OPN3: variants seen among roughly 807,000 people sequenced by gnomAD.
OPN3 encodes the protein opsin 3.
OPN3 carries 29 observed loss-of-function variants against 33.8 expected under a neutral mutation model. That is an observed-to-expected ratio of 0.86 (90% CI 0.64 to 1.17). OPN3 has a LOEUF of 1.17. OPN3 is among the 50% of genes most tolerant of loss of function. The pLI is 0.00. For missense variants in OPN3, 437 were observed against 514.1 expected (o/e 0.85, Z 1.45); for synonymous variants, 216 against 216.1 (o/e 1.00, Z 0.00).
intron 1 of OPN3, chr1:241,634,476 C>T: frequency 1.2e-6 from 2 of 1,613,724 alleles, no homozygotes; most frequent in South Asian, 1.1e-5. Context: ...AAATATTTAG[C>T]ATTTATTCTT....
chr1:241,637,650 C>CA (rs1664949763), intron 1 of OPN3, among the ~76,000 whole-genome samples: 1 of 152,110 alleles, frequency 6.6e-6, no homozygotes, highest in Non-Finnish European at 1.5e-5. Context: ...TTCTAACCTA[C>CA]AGATATCAAA....
Position 241,625,826 on chromosome 1 carries a change from T to C in OPN3, c.373+14056A>G, listed in dbSNP as rs1343339970. 2.6e-5 allele frequency among the ~76,000 whole-genome samples: 4 copies of C among 152,296 alleles called. No individual in the cohort carries two copies. The East Asian group carries it at 7.7e-4, about 29-fold the overall frequency. ...AGTGCAGTTTTTCTCAACTTGGCGC[T>C]TATCGATATTTGGGGCTGGATAATT... is the stretch of plus-strand genomic sequence containing the variant. On this transcript the variant is annotated intron_variant, in intron 1 of 3. Coordinates refer to ENST00000366554, the MANE Select transcript of OPN3 (RefSeq NM_014322.3).
chr1:241,627,423 G>A (rs1039877373), intron 1 of OPN3, among the ~76,000 whole-genome samples: 2 of 152,152 alleles, frequency 1.3e-5, no homozygotes, highest in African/African-American at 4.8e-5. Context: ...TCAATACAAA[G>A]TAGGAGAGTC....
intron 1 of OPN3, among the ~76,000 whole-genome samples, chr1:241,619,114 T>TC (rs1664209941): frequency 6.6e-6 from 1 of 152,280 alleles, no homozygotes; most frequent in South Asian, 2.1e-4. Context: ...CAACACTCCT[T>TC]CATCCTTTGG....
chr1:241,621,847 C>T (rs1464703433), intron 1 of OPN3, among the ~76,000 whole-genome samples: 2 of 152,092 alleles, frequency 1.3e-5, no homozygotes, highest in South Asian at 2.1e-4. Context: ...AACTGATTTT[C>T]GCAGGGATGT....
Position 241,640,224 on chromosome 1 carries a change from C to T in OPN3, c.31G>A (p.Gly11Ser). 7.5e-7 allele frequency: 1 copy of T among 1,329,696 alleles called. No individual in the cohort carries two copies. Among genetic ancestry groups the T allele is most frequent in the Non-Finnish European group, 9.5e-7 (1 of 1,047,514 alleles). 82.4% of individuals were successfully genotyped at this position (1,329,696 alleles called of 1,614,324 possible). A position where few individuals can be genotyped will look rare whatever the true frequency, so the allele number is the denominator to read the frequency against. The change falls in exon 1 of 4, where the codon GGC becomes AGC. Residue 11 changes from glycine to serine, a missense_variant. By Grantham distance (56) the Gly-to-Ser change is moderately conservative. Coordinates refer to ENST00000366554, the MANE Select transcript of OPN3 (RefSeq NM_014322.3). Reference sequence around the variant, plus strand: ...GCGGCCCCGCCGCCGTCCCAGTAGCCGTGGCCGCCGCTGCGGTTCCCCGAG... The same window carrying T: ...GCGGCCCCGCCGCCGTCCCAGTAGCTGTGGCCGCCGCTGCGGTTCCCCGAG... MYSGNRSGGH[G>S]YWDGGGAAGA... is the part of the protein sequence containing the mutation.
At chr1:241,594,836 G>T in intron 3 of OPN3, 145 bp from the exon 4 acceptor site, 1 of 815,756 alleles carries the variant, frequency 1.2e-6, no homozygotes, top group Non-Finnish European at 1.9e-6. Context: ...GTCATGCTCA[G>T]ATCTACCTAA....
chr1:241,640,324 C>G lies in OPN3; in HGVS notation c.-70G>C. On this transcript the variant is annotated 5_prime_UTR_variant, in exon 1 of 4. Coordinates refer to ENST00000366554, the MANE Select transcript of OPN3 (RefSeq NM_014322.3). The stretch of plus-strand genomic sequence containing the variant: ...GGCGGGGCTCGCGGCGCGCTCCGCA[C>G]TGGGTGGGGTTGGGGCTCCGCCGCC... 12 of 1,087,108 alleles carry G rather than the reference C, an allele frequency of 1.1e-5. No individual in the cohort carries two copies. Among genetic ancestry groups the G allele is most frequent in the Non-Finnish European group, 1.3e-5 (12 of 898,964 alleles). 67.3% of individuals were successfully genotyped at this position (1,087,108 alleles called of 1,614,324 possible).
intron 1 of OPN3, chr1:241,639,286 T>A (rs1187226114): frequency 6.6e-6 from 1 of 152,246 alleles, no homozygotes; most frequent in Non-Finnish European, 1.5e-5. Context: ...ACAGGGCACA[T>A]GCCAATTTGC....
In OPN3 at chr1:241,604,574, C is replaced by T; in HGVS notation, c.379G>A (p.Val127Ile). ...DGFSGSLFGI[V>I]SIATLTVLAY... ...AGCACGGTTAGGGTGGCAATGGAAA[C>T]AATCCCTGCAAGAAGAGAAAGTGGA... is the stretch of plus-strand genomic sequence containing the variant. Residue 127 changes from valine to isoleucine, a missense_variant, in exon 2 of 4, where the codon GTT (valine) becomes ATT (isoleucine). By Grantham distance (29) the Val-to-Ile change is conservative (BLOSUM62 3). Transcript: ENST00000366554. The T allele has an allele frequency of 3.1e-6, 5 of 1,608,246 alleles. No individual in the cohort carries two copies. Among genetic ancestry groups the T allele is most frequent in the Non-Finnish European group, 4.3e-6 (5 of 1,176,144 alleles).
rs763291021 is a variant in OPN3, at chr1:241,635,004, G to A, written c.373+4878C>T. ...GTGACATTTTTAAATTCTACATAAC[G>A]ACTAACATCTGATTTGATTAAAAGA... On this transcript the variant is annotated intron_variant, in intron 1 of 3. Transcript: ENST00000366554. The A allele has an allele frequency of 6.8e-6, 11 of 1,613,376 alleles. No individual in the cohort carries two copies. The highest frequency in any genetic ancestry group is 1.1e-5 in the South Asian group (1 of 90,942).
At chr1:241,629,815 A>T (rs1463501352) in intron 1 of OPN3, 1 of 151,930 alleles carries the variant, frequency 6.6e-6, no homozygotes, top group Non-Finnish European at 1.5e-5. Flanking sequence ...CTTTCTTTCC[A>T]TTGGCTTATT....
chr1:241,622,299 T>C (rs1664287841), intron 1 of OPN3, among the ~76,000 whole-genome samples: 1 of 152,228 alleles, frequency 6.6e-6, no homozygotes, highest in Admixed American at 6.5e-5. Context: ...TGTAGCTATA[T>C]ATTTATATGC....
chr1:241,608,723 C>G (rs977333105), intron 1 of OPN3, among the ~76,000 whole-genome samples: 2 of 152,178 alleles, frequency 1.3e-5, no homozygotes, highest in South Asian at 2.1e-4. Context: ...CGTTTTTGAT[C>G]AAGCCTGTGT....
chr1:241,605,324 A>G (rs1663798354), intron 1 of OPN3, among the ~76,000 whole-genome samples: 2 of 152,206 alleles, frequency 1.3e-5, no homozygotes, highest in South Asian at 4.1e-4. Flanking sequence ...ATGAAGTAGC[A>G]GTAAAATGAT....
chr1:241,633,399 C>G (rs1175883871), intron 1 of OPN3: 1 of 174,420 alleles, frequency 5.7e-6, no homozygotes, highest in Non-Finnish European at 1.2e-5. Flanking sequence ...GCAACTGTAA[C>G]AGCTGCAAAA....
chr1:241,621,000 A>G (rs1664258776), intron 1 of OPN3, among the ~76,000 whole-genome samples: 1 of 152,182 alleles, frequency 6.6e-6, no homozygotes, highest in Non-Finnish European at 1.5e-5. Context: ...TAAACTGTGA[A>G]CAAAAGGATG....
chr1:241,613,812 A>G (rs1392800090), intron 1 of OPN3, among the ~76,000 whole-genome samples: 2 of 152,154 alleles, frequency 1.3e-5, no homozygotes, highest in African/African-American at 4.8e-5. Flanking sequence ...GTGCACAATG[A>G]CTCAGTTTCA....
intron 3 of OPN3, 195 bp from the exon 4 acceptor site, chr1:241,594,886 T>A (rs190256120): frequency 1.6e-4 from 94 of 595,940 alleles, no homozygotes; most frequent in Non-Finnish European, 2.5e-4. Flanking sequence ...ATTCTAATTC[T>A]TATTAACCGG....
Sources: gnomAD v4.1 joint callset for allele counts (sites outside exome capture counted in the v4.1 genomes callset) on GRCh38, gnomAD v4.1.1 for gene constraint, MANE v1.5 for transcripts, NCBI Gene and HGNC (gene_info 2026-07-23, HGNC 2026-07-21) for gene names.